The following TET3 variants were observed in gnomAD, a reference collection of about 807,000 sequenced individuals.
TET3 encodes the protein tet methylcytosine dioxygenase 3.
TET3 carries 19 observed loss-of-function variants against 141.4 expected under a neutral mutation model. The ratio of observed to expected loss-of-function variants is 0.13; its 90% CI spans 0.09 to 0.20. TET3 has a LOEUF of 0.20. TET3 is among the 10% of genes least tolerant of loss of function. The pLI is 1.00. For missense variants in TET3, 1,874 were observed against 2,356.9 expected, an observed-to-expected ratio of 0.80 and a Z score of 4.24; for synonymous variants, 1,043 against 980.9, an observed-to-expected ratio of 1.06 and a Z score of -1.18.
the TET3 span, chr2:74,135,291 C>A: frequency 2.0e-6 from 1 of 504,304 alleles, no homozygotes; most frequent in Non-Finnish European, 3.5e-6. Flanking sequence ...ACAGGAAAAC[C>A]TCTTCAAAAG....
chr2:74,133,891 C>T, the TET3 span, among the ~76,000 whole-genome samples: 3 of 152,010 alleles, frequency 2.0e-5, no homozygotes, highest in African/African-American at 4.8e-5. Flanking sequence ...ATTACAGGCG[C>T]GTGCCATCAT....
chr2:73,984,169 C>T (rs1026745106), upstream of TET3, among the ~76,000 whole-genome samples: 1 of 152,242 alleles, frequency 6.6e-6, no homozygotes, highest in Non-Finnish European at 1.5e-5. The surrounding 1 kb of genome is among the most constrained non-coding windows in gnomAD (Gnocchi z 5.6). Flanking sequence ...CCTCAGTTAC[C>T]CTCCGCGACG....
At chr2:74,083,878 T>C (rs376549142) in intron 6 of TET3, among the ~76,000 whole-genome samples, 3 of 152,282 alleles carry the variant, frequency 2.0e-5, no homozygotes, top group African/African-American at 7.2e-5. Flanking sequence ...ATTGGCTGCG[T>C]TCCCCCTGGC....
At chr2:74,068,202 T>C (rs745978572) in intron 4 of TET3, among the ~76,000 whole-genome samples, 5 of 152,086 alleles carry the variant, frequency 3.3e-5, no homozygotes, top group Admixed American at 6.5e-5. Flanking sequence ...AATTTTTAAT[T>C]TTTTTTACTG....
intron 3 of TET3, among the ~76,000 whole-genome samples, chr2:74,043,769 A>G (rs1687467924): frequency 6.6e-6 from 1 of 152,178 alleles, no homozygotes; most frequent in Admixed American, 6.5e-5. Flanking sequence ...AACCTCCCAC[A>G]GAGCTCATCC....
rs1352306619 is a variant in TET3, at chr2:74,088,016, C to T, written c.2866C>T (p.Arg956Trp). 1 of 1,561,770 alleles carries T rather than the reference C, an allele frequency of 6.4e-7. No individual in the cohort carries two copies. The highest frequency in any genetic ancestry group is 8.7e-7 in the Non-Finnish European group (1 of 1,153,094). ...CCGGAAGTATGGGAACCCCACCAGC[C>T]GGAGATGCGGCCTCAACGATGAGTA... is the stretch of plus-strand genomic sequence containing the variant. ...TLRKYGNPTS[R>W]RCGLNDDRTC... Residue 956 changes from arginine (R) to tryptophan (W), a missense_variant, in exon 7 of 12, where the codon CGG becomes TGG. Around this residue, in one of 10 missense-constraint regions of TET3, gnomAD observed 126 missense variants for 327.4 expected, o/e 0.38. Transcript: ENST00000409262.
At position 74,048,100 on chromosome 2, in the gene TET3, C is replaced by A. The variant is rs572425839; in HGVS notation, c.2183C>A (p.Pro728His). Residue 728 changes from proline (P) to histidine (H), a missense_variant, in exon 4 of 12, where the codon CCT (proline) becomes CAT (histidine). By Grantham distance (77) the Pro-to-His change is moderately conservative. Coordinates refer to ENST00000409262, the MANE Select transcript of TET3 (RefSeq NM_001287491.2). ...GATAGCTTTGGGCTTCCCGGCCCCC[C>A]TTCTGTGCCCATTCAGGACCCCGAG... ...FGDSFGLPGP[P>H]SVPIQDPENQ... is the part of the protein sequence containing the mutation. The A allele has an allele frequency of 5.6e-6, 9 of 1,613,640 alleles. No homozygotes were observed. The highest frequency in any genetic ancestry group is 1.7e-5 in the Admixed American group (1 of 59,970).
intron 3 of TET3, among the ~76,000 whole-genome samples, chr2:74,044,850 C>G (rs1029821781): frequency 3.9e-5 from 6 of 152,164 alleles, no homozygotes; most frequent in African/African-American, 1.4e-4. Flanking sequence ...AACCCATTGT[C>G]TAATGATCCA....
chr2:74,094,564 G>A (rs941024069), intron 10 of TET3, among the ~76,000 whole-genome samples: 1 of 152,178 alleles, frequency 6.6e-6, no homozygotes, highest in Non-Finnish European at 1.5e-5. Flanking sequence ...GTGATGGTGG[G>A]GGCAGAGTGA....
At chr2:74,123,373 C>A in the TET3 span, among the ~76,000 whole-genome samples, 1 of 152,228 alleles carries the variant, frequency 6.6e-6, no homozygotes, top group African/African-American at 2.4e-5. Context: ...AATCCCAGCA[C>A]TTTGGGAGGC....
At chr2:74,040,047 G>A (rs1687262062) in intron 3 of TET3, among the ~76,000 whole-genome samples, 1 of 152,222 alleles carries the variant, frequency 6.6e-6, no homozygotes, top group Non-Finnish European at 1.5e-5. Context: ...TGGAGGGAAT[G>A]TTGTGGCTAT....
intron 4 of TET3, among the ~76,000 whole-genome samples, chr2:74,061,904 G>A (rs1688612564): frequency 6.6e-6 from 1 of 151,292 alleles, no homozygotes; most frequent in Non-Finnish European, 1.5e-5. Flanking sequence ...AGATGGGATG[G>A]CGGCCGGGCA....
In TET3 at chr2:74,099,323, C is replaced by T. The variant is rs200351242; in HGVS notation, c.3315C>T (p.Pro1105=). 4.3e-5 allele frequency: 70 copies of T among 1,612,114 alleles called. No individual in the cohort carries two copies. In the African/African-American group the frequency reaches 8.5e-4, roughly 20 times the overall value. Residue 1105 remains proline, a synonymous_variant, in exon 11 of 12, where the codon CCC becomes CCT. Coordinates refer to ENST00000409262, the MANE Select transcript of TET3 (RefSeq NM_001287491.2). ...ACAATCGCTGCGTGGGCAAGATTCC[C>T]GAGGATGAGCAGCTGCATGTTCTCC... The part of the protein sequence containing the change: ...KEDNRCVGKI[P]EDEQLHVLPL...
Position 74,048,088 on chromosome 2 carries a change from T to C in TET3, c.2171T>C (p.Leu724Pro), listed in dbSNP as rs966115582. ...FEAEFGDSFG[L>P]PGPPSVPIQD... ...GCTGAATTTGGAGATAGCTTTGGGC[T>C]TCCCGGCCCCCCTTCTGTGCCCATT... Residue 724 changes from leucine (L) to proline (P), a missense_variant, in exon 4 of 12, where the codon CTT (leucine) becomes CCT (proline). Physicochemically the swap from Leu to Pro is moderately conservative, Grantham distance 98. This residue lies in a region of TET3 where 484 missense variants were observed against 462.2 expected (regional missense o/e 1.05). Coordinates refer to ENST00000409262, the MANE Select transcript of TET3 (RefSeq NM_001287491.2). The C allele has an allele frequency of 2.5e-6, 4 of 1,613,466 alleles. No individual in the cohort carries two copies. The highest frequency in any genetic ancestry group is 3.4e-6 in the Non-Finnish European group (4 of 1,179,710).
chr2:74,127,558 A>G, the TET3 span, among the ~76,000 whole-genome samples: 1 of 152,184 alleles, frequency 6.6e-6, no homozygotes, highest in Non-Finnish European at 1.5e-5. Flanking sequence ...AAATCCAGCC[A>G]TCCTATATCA....
At chr2:74,112,486 T>C (rs977796086), downstream of TET3, among the ~76,000 whole-genome samples, 8 of 144,310 alleles carry the variant, frequency 5.5e-5, no homozygotes, top group Non-Finnish European at 3.0e-5. Context: ...AGCAAAATTA[T>C]ACTCAAGGAA....
chr2:74,081,756 G>T (rs1689843170), intron 6 of TET3, among the ~76,000 whole-genome samples: 1 of 152,198 alleles, frequency 6.6e-6, no homozygotes, highest in Non-Finnish European at 1.5e-5. Flanking sequence ...TTTTTACCTG[G>T]TATACACCCT....
intron 4 of TET3, among the ~76,000 whole-genome samples, chr2:74,056,121 T>A (rs1688201850): frequency 6.6e-6 from 1 of 152,234 alleles, no homozygotes; most frequent in African/African-American, 2.4e-5. Flanking sequence ...GTACATTAAT[T>A]GTATACTGTC....
intron 2 of TET3, among the ~76,000 whole-genome samples, chr2:74,001,844 C>T (rs1002589132): frequency 1.2e-4 from 18 of 152,272 alleles, no homozygotes; most frequent in Admixed American, 1.0e-3. Flanking sequence ...GATGGGAAGC[C>T]CTGAGGTCTG....
Sources: allele counts gnomAD v4.1 joint callset (sites outside exome capture counted in the v4.1 genomes callset), GRCh38; gene constraint gnomAD v4.1.1; regional missense constraint gnomAD v4.1.1; non-coding constraint Gnocchi (gnomAD v3.1); transcripts MANE v1.5; gene names NCBI Gene and HGNC (gene_info 2026-07-23, HGNC 2026-07-21).